SLC6A5: variants seen among roughly 807,000 people sequenced by gnomAD.
SLC6A5 encodes the protein sodium- and chloride-dependent glycine transporter 2.
In SLC6A5, 58 loss-of-function variants were observed where a neutral mutation model predicts 90.5. The ratio of observed to expected loss-of-function variants is 0.64; its 90% CI spans 0.52 to 0.80. The LOEUF (loss-of-function observed/expected upper bound fraction) is 0.80. Among genes scored for constraint, SLC6A5 ranks in the 30% least tolerant of loss-of-function variants. The pLI, the probability that SLC6A5 is intolerant of heterozygous loss-of-function variation, is 0.00. For synonymous variants in SLC6A5, 427 were observed against 401.4 expected (o/e 1.06, Z -0.76); for missense variants, 1,015 against 1,017.6 (o/e 1.00, Z 0.03).
intron 2 of SLC6A5, 67 bp downstream of exon 2, chr11:20,601,732 G>A: frequency 6.5e-7 from 1 of 1,531,532 alleles, no homozygotes; most frequent in South Asian, 1.2e-5. Flanking sequence ...GGCCAGCCGG[G>A]CCGTGGCGGG....
chr11:20,644,441 C>T (rs914020393), intron 13 of SLC6A5, among the ~76,000 whole-genome samples: 5 of 152,216 alleles, frequency 3.3e-5, no homozygotes, highest in Admixed American at 2.0e-4. Context: ...GAATGGTACG[C>T]CGTTGTGTAT....
intron 2 of SLC6A5, among the ~76,000 whole-genome samples, chr11:20,602,287 C>A (rs1014446959): frequency 6.6e-6 from 1 of 151,774 alleles, no homozygotes; most frequent in Non-Finnish European, 1.5e-5. Context: ...CCTAAAGTAA[C>A]CTCCCTCAAT....
In SLC6A5 at chr11:20,636,418, T is replaced by C. The variant is rs761723711; in HGVS notation, c.1736T>C (p.Met579Thr). The C allele has an allele frequency of 1.3e-4, 201 of 1,575,898 alleles. No homozygotes were observed. The highest frequency in any genetic ancestry group is 1.7e-4 in the Non-Finnish European group (191 of 1,145,194). ...LMLLTLGLDT[M>T]FATIETIVTS... is the part of the protein sequence containing the mutation. ...CTCCTCACTCTTGGACTTGACACTA[T>C]GGTGAGCCCCTTTTCCATCAGTCTC... The change falls in exon 11 of 16, where the codon ATG becomes ACG. Residue 579 changes from methionine to threonine, a missense_variant and splice_region_variant. Transcript: ENST00000525748.
chr11:20,658,224 C>T lies in SLC6A5; in HGVS notation c.*3356C>T, dbSNP rs1280727448. On this transcript the variant is annotated 3_prime_UTR_variant, in exon 16 of 16. Coordinates refer to ENST00000525748, the MANE Select transcript of SLC6A5 (RefSeq NM_004211.5). ...CACCTTTGCTCTCAGCATGGTTTCCCATGCCTAAAAGTAAGATTTTCTTTT... is the reference window on the plus strand; with the variant it reads ...CACCTTTGCTCTCAGCATGGTTTCCTATGCCTAAAAGTAAGATTTTCTTTT... 6.6e-6 allele frequency: 1 copy of T among 152,162 alleles called. No homozygotes were observed. Among genetic ancestry groups the T allele is most frequent in the African/African-American group, 2.4e-5 (1 of 41,428 alleles). 9.4% of individuals were successfully genotyped at this position (152,162 alleles called of 1,614,324 possible). A position where few individuals can be genotyped will look rare whatever the true frequency, so the allele number is the denominator to read the frequency against.
Position 20,601,616 on chromosome 11 carries a change from A to T in SLC6A5, c.491A>T (p.Asp164Val). 1 of 1,614,072 alleles carries T rather than the reference A, an allele frequency of 6.2e-7. No individual in the cohort carries two copies. Among genetic ancestry groups the T allele is most frequent in the Non-Finnish European group, 8.5e-7 (1 of 1,179,964 alleles). Reference protein sequence around the residue: ...MSQSTVVLATDGITSVLPGSV... With the variant: ...MSQSTVVLATVGITSVLPGSV... ...CAGAGCACCGTGGTGCTGGCCACGG[A>T]TGGAATCACGTCCGTGCTCCCGGGC... Residue 164 changes from aspartate (D) to valine (V), a missense_variant, in exon 2 of 16, where the codon GAT becomes GTT. This residue lies in a region of SLC6A5 where 567 missense variants were observed against 507.3 expected (regional missense o/e 1.12). Transcript: ENST00000525748.
At chr11:20,622,563 C>T (rs1001531079) in intron 7 of SLC6A5, among the ~76,000 whole-genome samples, 2 of 152,168 alleles carry the variant, frequency 1.3e-5, no homozygotes, top group African/African-American at 4.8e-5. Context: ...GTCTCAAGAC[C>T]TTGAACGAGA....
rs533945409 is a variant in SLC6A5 at position 20,658,166 on chromosome 11, T to C, written c.*3298T>C. On this transcript the variant is annotated 3_prime_UTR_variant, in exon 16 of 16. Transcript: ENST00000525748. ...GTTTTCCTTTAATTAAGTTCTTGTT[T>C]CCTCATCTATGTGTCTCTCAGTGCT... 1 of 152,194 alleles carries C rather than the reference T, an allele frequency of 6.6e-6. No homozygotes were observed. The highest frequency in any genetic ancestry group is 2.4e-5 in the African/African-American group (1 of 41,446). 9.4% of individuals were successfully genotyped at this position (152,194 alleles called of 1,614,324 possible).
At chr11:20,643,154 G>A (rs541168084) in intron 13 of SLC6A5, among the ~76,000 whole-genome samples, 36 of 152,102 alleles carry the variant, frequency 2.4e-4, no homozygotes, top group African/African-American at 8.4e-4. Context: ...ATCTCTTGGG[G>A]ATGGTTTCAT....
chr11:20,654,403 A>G (rs1853601430), intron 15 of SLC6A5, among the ~76,000 whole-genome samples: 2 of 152,244 alleles, frequency 1.3e-5, no homozygotes, highest in South Asian at 4.1e-4. Context: ...GAAAAAATAT[A>G]TAATTAAAAT....
intron 14 of SLC6A5, among the ~76,000 whole-genome samples, chr11:20,650,787 C>T (rs964532553): frequency 4.0e-5 from 6 of 151,528 alleles, no homozygotes; most frequent in Non-Finnish European, 7.4e-5. Context: ...CTGCCTCAGC[C>T]TCCTGAGTAG....
At chr11:20,614,370 T>C (rs1852746560) in intron 5 of SLC6A5, among the ~76,000 whole-genome samples, 1 of 152,206 alleles carries the variant, frequency 6.6e-6, no homozygotes, top group Non-Finnish European at 1.5e-5. Flanking sequence ...ACCTCCTGCA[T>C]AGGCTGTTGT....
At chr11:20,640,777 G>C (rs1019564452) in intron 13 of SLC6A5, among the ~76,000 whole-genome samples, 5 of 151,982 alleles carry the variant, frequency 3.3e-5, no homozygotes, top group Admixed American at 1.3e-4. Context: ...TTATTGAGAT[G>C]ATGAGGCCCC....
rs3045455 is a variant in SLC6A5 at position 20,659,054 on chromosome 11, C to CATATATATATATAT, written c.*4201_*4214dup. ...ATATATTATGTTACAAATGATGCAT[C>CATATATATATATAT]ATATATATATATATATATATATATA... On this transcript the variant is annotated 3_prime_UTR_variant, in exon 16 of 16. Coordinates refer to ENST00000525748, the MANE Select transcript of SLC6A5 (RefSeq NM_004211.5). 4 of 143,678 alleles carry CATATATATATATAT rather than the reference C, an allele frequency of 2.8e-5. No individual in the cohort carries two copies. The highest frequency in any genetic ancestry group is 4.6e-5 in the Non-Finnish European group (3 of 65,790). The allele number at this position is 143,678 out of a possible 1,614,324, so 8.9% of individuals were successfully genotyped here.
intron 10 of SLC6A5, among the ~76,000 whole-genome samples, chr11:20,634,375 G>C (rs1410514061): frequency 6.6e-6 from 1 of 152,240 alleles, no homozygotes; most frequent in Admixed American, 6.5e-5. Context: ...AGCTTGCAAA[G>C]AATGCCTTCA....
At chr11:20,649,914 A>G (rs1025619523) in intron 14 of SLC6A5, among the ~76,000 whole-genome samples, 6 of 152,230 alleles carry the variant, frequency 3.9e-5, no homozygotes, top group African/African-American at 1.4e-4. Flanking sequence ...CTCTTTCCAT[A>G]GAAGACTTTT....
rs1029676831 is a variant in SLC6A5, at chr11:20,658,157, G to A, written c.*3289G>A. ...TGGAGTTGAGTTTTCCTTTAATTAA[G>A]TTCTTGTTTCCTCATCTATGTGTCT... On this transcript the variant is annotated 3_prime_UTR_variant, in exon 16 of 16. Transcript: ENST00000525748. 8 of 152,138 alleles carry A rather than the reference G, an allele frequency of 5.3e-5. No individual in the cohort carries two copies. The highest frequency in any genetic ancestry group is 1.9e-4 in the African/African-American group (8 of 41,428). 9.4% of individuals were successfully genotyped at this position (152,138 alleles called of 1,614,324 possible). A position where few individuals can be genotyped will look rare whatever the true frequency, so the allele number is the denominator to read the frequency against.
At chr11:20,645,491 G>A (rs577341068) in intron 13 of SLC6A5, among the ~76,000 whole-genome samples, 1 of 152,286 alleles carries the variant, frequency 6.6e-6, no homozygotes, top group Admixed American at 6.5e-5. Flanking sequence ...CTGAGAACAG[G>A]AGGAGCAAGC....
rs533648056 is a variant in SLC6A5, at chr11:20,633,410, T to C, written c.1624+2595T>C. ...TGCAGCCATCTGTCTGTCACCTGTA[T>C]CCCAATCCTTCTGCCCAAAGGCACA... On this transcript the variant is annotated intron_variant, in intron 10 of 15. Transcript: ENST00000525748. 2.8e-3 allele frequency among the ~76,000 whole-genome samples: 427 copies of C among 152,298 alleles called. 1 individual carries two copies. The highest frequency in any genetic ancestry group is 5.4e-3 in the Admixed American group (82 of 15,290).
chr11:20,627,988 A>C lies in SLC6A5; in HGVS notation c.1404A>C (p.Lys468Asn). 6.2e-7 allele frequency: 1 copy of C among 1,613,976 alleles called. No individual in the cohort carries two copies. Among genetic ancestry groups the C allele is most frequent in the South Asian group, 1.1e-5 (1 of 91,068 alleles). Reference protein sequence around the residue: ...WEKLTDATVWKDAATQIFFSL... With the variant: ...WEKLTDATVWNDAATQIFFSL... ...TCCCTTTTGCCTCTCAGGTGTGGAAAGATGCTGCCACTCAGATTTTCTTCT... is the reference window on the plus strand; with the variant it reads ...TCCCTTTTGCCTCTCAGGTGTGGAACGATGCTGCCACTCAGATTTTCTTCT... Residue 468 changes from lysine (K) to asparagine (N), a missense_variant, in exon 9 of 16, where the codon AAA (lysine) becomes AAC (asparagine). This residue lies in a region of SLC6A5 where 442 missense variants were observed against 494.3 expected (regional missense o/e 0.89). Transcript: ENST00000525748.
Sources: gnomAD v4.1 joint callset for allele counts (sites outside exome capture counted in the v4.1 genomes callset) on GRCh38, gnomAD v4.1.1 for gene constraint, gnomAD v4.1.1 regional missense constraint, MANE v1.5 for transcripts, NCBI Gene and HGNC (gene_info 2026-07-23, HGNC 2026-07-21) for gene names.